The following NRXN3 variants were observed in gnomAD, a reference collection of about 807,000 sequenced individuals.
NRXN3 encodes neurexin 3.
A neutral mutation model predicts 137.6 loss-of-function variants in NRXN3; 32 were observed. That is an observed-to-expected ratio of 0.23 (90% confidence interval 0.18 to 0.31). The LOEUF (loss-of-function observed/expected upper bound fraction) is 0.31, where lower values mean the gene tolerates loss of function less well. Among genes scored for constraint, NRXN3 ranks in the 10% least tolerant of loss-of-function variants. NRXN3 has a pLI of 1.00. For missense variants in NRXN3, 1,574 were observed against 2,062.5 expected (o/e 0.76, Z 4.59); for synonymous variants, 798 against 784.5 (o/e 1.02, Z -0.29).
chr14:78,887,971 G>T (rs1236376426), intron 10 of NRXN3, among the ~76,000 whole-genome samples: 1 of 151,964 alleles, frequency 6.6e-6, no homozygotes, highest in Non-Finnish European at 1.5e-5. Context: ...GTGGCCTCTG[G>T]GCCGTCTTTA....
intron 19 of NRXN3, among the ~76,000 whole-genome samples, chr14:79,764,571 T>A (rs1219212330): frequency 2.0e-5 from 3 of 152,198 alleles, no homozygotes; most frequent in Non-Finnish European, 4.4e-5. Flanking sequence ...ACATTTAAGG[T>A]CACCTAATAA....
At chr14:79,468,881 AT>A (rs1191853218) in intron 16 of NRXN3, among the ~76,000 whole-genome samples, 2 of 152,120 alleles carry the variant, frequency 1.3e-5, no homozygotes, top group Non-Finnish European at 2.9e-5. Context: ...GAACTTTTCA[AT>A]TTTTTCTCAG....
intron 4 of NRXN3, among the ~76,000 whole-genome samples, chr14:78,407,998 C>A (rs1598340086): frequency 6.6e-6 from 1 of 152,142 alleles, no homozygotes; most frequent in Non-Finnish European, 1.5e-5. Flanking sequence ...TCTCAATCTT[C>A]TACTTATATG....
At chr14:78,633,267 A>AAAAAAAAAAAAAAAG (rs1376443966) in intron 4 of NRXN3, among the ~76,000 whole-genome samples, 1 of 150,084 alleles carries the variant, frequency 6.7e-6, no homozygotes, top group African/African-American at 2.5e-5. Context: ...AAAAAAAAAA[A>AAAAAAAAAAAAAAAG]AGAGACTGGT....
chr14:78,769,165 C>T (rs891296669), intron 8 of NRXN3, among the ~76,000 whole-genome samples: 1 of 152,200 alleles, frequency 6.6e-6, no homozygotes. Flanking sequence ...TAACAAAAGA[C>T]ACTCTCCTCC....
intron 19 of NRXN3, among the ~76,000 whole-genome samples, chr14:79,798,592 G>T (rs145813698): frequency 5.4e-4 from 82 of 152,246 alleles, no homozygotes; most frequent in African/African-American, 1.8e-3. Flanking sequence ...AAGCTGTTCT[G>T]TGGCAGGACT....
chr14:79,772,530 G>A (rs2099082126), intron 19 of NRXN3, among the ~76,000 whole-genome samples: 1 of 152,160 alleles, frequency 6.6e-6, no homozygotes, highest in East Asian at 1.9e-4. Context: ...ATGGGGAAAG[G>A]ATTCCCTATT....
At chr14:79,046,895 G>C (rs563643509) in intron 15 of NRXN3, among the ~76,000 whole-genome samples, 35 of 152,268 alleles carry the variant, frequency 2.3e-4, no homozygotes, top group African/African-American at 7.5e-4. Context: ...GATTTATTCT[G>C]TGGGCTCTGG....
intron 6 of NRXN3, among the ~76,000 whole-genome samples, chr14:78,686,127 C>T (rs1381996954): frequency 6.6e-6 from 1 of 152,172 alleles, no homozygotes; most frequent in Non-Finnish European, 1.5e-5. Flanking sequence ...GAAAGTAAAA[C>T]TGCATCTGTG....
intron 19 of NRXN3, among the ~76,000 whole-genome samples, chr14:79,795,854 T>C (rs2099159528): frequency 6.6e-6 from 1 of 152,202 alleles, no homozygotes; most frequent in Non-Finnish European, 1.5e-5. Flanking sequence ...TGTACTAACA[T>C]GCACTCTTTT....
At chr14:79,088,915 T>C (rs931127750) in intron 15 of NRXN3, among the ~76,000 whole-genome samples, 2 of 152,152 alleles carry the variant, frequency 1.3e-5, no homozygotes, top group Non-Finnish European at 2.9e-5. Flanking sequence ...GTAGGCTATT[T>C]CAGTGAAATT....
intron 4 of NRXN3, among the ~76,000 whole-genome samples, chr14:78,343,436 T>C (rs1380672317): frequency 2.6e-5 from 4 of 152,224 alleles, no homozygotes. Context: ...GTATAAATCC[T>C]GTAGAAACTG....
intron 15 of NRXN3, among the ~76,000 whole-genome samples, chr14:79,219,836 G>A (rs925648164): frequency 3.3e-5 from 5 of 152,152 alleles, no homozygotes; most frequent in African/African-American, 4.8e-5. Context: ...GTTTAATGAT[G>A]CTATAGAGGC....
chr14:78,222,620 A>G (rs1460887600), intron 1 of NRXN3, among the ~76,000 whole-genome samples: 1 of 151,836 alleles, frequency 6.6e-6, no homozygotes, highest in Non-Finnish European at 1.5e-5. Flanking sequence ...TCCTTTTGGC[A>G]CTACAAATAA....
intron 16 of NRXN3, among the ~76,000 whole-genome samples, chr14:79,595,459 A>G (rs948258594): frequency 1.3e-5 from 2 of 152,218 alleles, no homozygotes; most frequent in Non-Finnish European, 2.9e-5. Flanking sequence ...TAGCTATTAC[A>G]TAATTAAAAT....
intron 1 of NRXN3, among the ~76,000 whole-genome samples, chr14:78,201,760 C>G (rs925957517): frequency 1.3e-5 from 2 of 152,226 alleles, no homozygotes; most frequent in Admixed American, 1.3e-4. Flanking sequence ...AGAAATCTCA[C>G]CACCACGGGC....
chr14:79,462,498 T>A (rs1263393762), intron 15 of NRXN3, among the ~76,000 whole-genome samples: 2 of 132,722 alleles, frequency 1.5e-5, no homozygotes, highest in Non-Finnish European at 3.3e-5. Flanking sequence ...TTTTGATATA[T>A]ATATATACAC....
intron 4 of NRXN3, among the ~76,000 whole-genome samples, chr14:78,370,312 CT>C (rs5809879): frequency 0.67 from 97,206 of 144,538 alleles, 33,511 homozygotes; most frequent in African/African-American, 0.86. Context: ...TACTGAGACA[CT>C]TTTTTTTTTT....
At chr14:78,892,792 G>T (rs1039334612) in intron 10 of NRXN3, among the ~76,000 whole-genome samples, 3 of 147,432 alleles carry the variant, frequency 2.0e-5, no homozygotes, top group Admixed American at 6.6e-5. Context: ...GTGTGTGTGT[G>T]TGTGTGTGTG....
Sources: gnomAD v4.1 joint callset for allele counts (sites outside exome capture counted in the v4.1 genomes callset) on GRCh38, gnomAD v4.1.1 for gene constraint, MANE v1.5 for transcripts, NCBI Gene and HGNC (gene_info 2026-07-23, HGNC 2026-07-21) for gene names.